Variants in HMCN1 observed in about 807,000 individuals in gnomAD.
HMCN1 encodes hemicentin-1.
Under a neutral mutation model 625.9 loss-of-function variants are expected in HMCN1, and 321 were observed. The observed-to-expected ratio is 0.51, with a 90% confidence interval of 0.47 to 0.56. HMCN1 has a LOEUF of 0.56. HMCN1 is among the 20% of genes least tolerant of loss of function. The pLI is 0.00. For synonymous variants in HMCN1, 2,425 were observed against 2,417.6 expected (o/e 1.00, Z -0.09); for missense variants, 6,588 against 6,887.3 (o/e 0.96, Z 1.54).
chr1:185,737,815 A>C (rs41357745), intron 1 of HMCN1, among the ~76,000 whole-genome samples: 52,986 of 152,080 alleles, frequency 0.35, 10,517 homozygotes, highest in African/African-American at 0.54. Context: ...ACCTTTAGAT[A>C]TTTGCAGATG....
intron 24 of HMCN1, among the ~76,000 whole-genome samples, chr1:185,996,781 T>C (rs995882544): frequency 3.3e-5 from 5 of 152,132 alleles, no homozygotes; most frequent in Admixed American, 3.3e-4. Context: ...CCCAAATTTC[T>C]TCATGAAATG....
At chr1:186,125,490 A>T in intron 81 of HMCN1, 114 bp from the exon 82 acceptor site, 2 of 772,076 alleles carry the variant, frequency 2.6e-6, no homozygotes, top group South Asian at 1.5e-5. Context: ...TTTCATTTTT[A>T]GTATTTCTAG....
chr1:186,118,201 T>G (rs1162319703), intron 77 of HMCN1, among the ~76,000 whole-genome samples: 3 of 152,126 alleles, frequency 2.0e-5, no homozygotes, highest in Admixed American at 2.0e-4. Context: ...TATAGGTGAT[T>G]CACGTTGGTG....
chr1:186,057,828 A>G (rs1457563738), intron 46 of HMCN1, among the ~76,000 whole-genome samples: 1 of 152,026 alleles, frequency 6.6e-6, no homozygotes, highest in Non-Finnish European at 1.5e-5. Context: ...CATTTCTAAA[A>G]TGGGTAGTTT....
At chr1:185,895,400 T>G (rs1345719815) in intron 4 of HMCN1, among the ~76,000 whole-genome samples, 1 of 152,238 alleles carries the variant, frequency 6.6e-6, no homozygotes, top group African/African-American at 2.4e-5. Context: ...CTTGGCGATA[T>G]TCTTTCCTAC....
intron 1 of HMCN1, among the ~76,000 whole-genome samples, chr1:185,836,157 C>G (rs546296844): frequency 6.6e-6 from 1 of 152,098 alleles, no homozygotes; most frequent in Non-Finnish European, 1.5e-5. Flanking sequence ...TATTTCTGTG[C>G]TCTTTTTCCA....
At chr1:185,758,491 C>G (rs1655278033) in intron 1 of HMCN1, among the ~76,000 whole-genome samples, 1 of 152,090 alleles carries the variant, frequency 6.6e-6, no homozygotes, top group Non-Finnish European at 1.5e-5. Context: ...CAAAAATTAG[C>G]TGGGCGTGGT....
intron 72 of HMCN1, among the ~76,000 whole-genome samples, chr1:186,113,756 G>A (rs1660996021): frequency 6.6e-6 from 1 of 151,946 alleles, no homozygotes; most frequent in African/African-American, 2.4e-5. Context: ...ACCATATTAG[G>A]GATTTAAAAT....
At chr1:186,022,437 A>G (rs1654783658) in intron 35 of HMCN1, among the ~76,000 whole-genome samples, 1 of 152,126 alleles carries the variant, frequency 6.6e-6, no homozygotes, top group African/African-American at 2.4e-5. Context: ...TGAGCTTACT[A>G]CCTAGGCTGG....
intron 24 of HMCN1, among the ~76,000 whole-genome samples, chr1:185,995,552 A>G (rs576759822): frequency 1.1e-3 from 172 of 152,270 alleles, no homozygotes; most frequent in African/African-American, 4.0e-3. Flanking sequence ...AGCTCTTGCC[A>G]GGCATCTGTC....
At chr1:185,940,366 TA>T (rs5779265) in intron 11 of HMCN1, among the ~76,000 whole-genome samples, 8,333 of 151,686 alleles carry the variant, frequency 0.055, 493 homozygotes, top group East Asian at 0.33. Context: ...TTTCACTTAT[TA>T]AAAAAAAACT....
At chr1:186,171,707 A>G (rs1024566852) in intron 101 of HMCN1, among the ~76,000 whole-genome samples, 2 of 152,118 alleles carry the variant, frequency 1.3e-5, no homozygotes, top group African/African-American at 4.8e-5. Flanking sequence ...AAATATATGT[A>G]TGTACATATA....
At chr1:185,897,056 C>T (rs542073497) in intron 4 of HMCN1, among the ~76,000 whole-genome samples, 18 of 152,264 alleles carry the variant, frequency 1.2e-4, no homozygotes, top group East Asian at 5.8e-4. Context: ...CCTTTTGCTT[C>T]TCAAGCTAGG....
intron 11 of HMCN1, among the ~76,000 whole-genome samples, chr1:185,955,741 T>A (rs1649574049): frequency 6.6e-6 from 1 of 152,184 alleles, no homozygotes; most frequent in South Asian, 2.1e-4. Context: ...GAACTTTTGA[T>A]GGCCACGGAA....
intron 1 of HMCN1, among the ~76,000 whole-genome samples, chr1:185,835,855 T>G (rs920818830): frequency 4.6e-5 from 7 of 151,946 alleles, no homozygotes; most frequent in African/African-American, 1.7e-4. Flanking sequence ...AGAACCAAAA[T>G]TGGGCTGTGG....
At chr1:185,916,936 T>TA (rs1666734947) in intron 6 of HMCN1, among the ~76,000 whole-genome samples, 1 of 152,046 alleles carries the variant, frequency 6.6e-6, no homozygotes, top group Admixed American at 6.5e-5. Context: ...ATTGAATAAA[T>TA]AAAAAGAAAT....
Position 186,182,178 on chromosome 1 carries a change from A to T in HMCN1, c.16305A>T (p.Glu5435Asp). 1 of 1,613,246 alleles carries T rather than the reference A, an allele frequency of 6.2e-7. No individual in the cohort carries two copies. Among genetic ancestry groups the T allele is most frequent in the Non-Finnish European group, 8.5e-7 (1 of 1,179,326 alleles). The change falls in exon 105 of 107, where the codon GAA becomes GAT. Residue 5435 changes from glutamate to aspartate, a missense_variant. Physicochemically the swap from Glu to Asp is conservative, Grantham distance 45. Coordinates refer to ENST00000271588, the MANE Select transcript of HMCN1 (RefSeq NM_031935.3). ...ASHDTCVDIDECENTDACQHE... is the reference protein window; with the variant it reads ...ASHDTCVDIDDCENTDACQHE... ...CTTCTTCCTGAACAGATATTGATGA[A>T]TGTGAAAATACAGATGCCTGCCAGC...
intron 1 of HMCN1, among the ~76,000 whole-genome samples, chr1:185,765,471 G>C (rs1270084404): frequency 6.6e-6 from 1 of 152,160 alleles, no homozygotes; most frequent in African/African-American, 2.4e-5. Flanking sequence ...TGCTTGCTAA[G>C]TACTGGGTAC....
chr1:185,925,033 G>GT lies in HMCN1; in HGVS notation c.1286-6dup, dbSNP rs1290488643. Reference sequence around the variant, plus strand: ...GCTTAAGTTTTTTGTTTTTGTTTTTGTTTTTTTTCCTAGATGCTCCCAAAG... The same window carrying GT: ...GCTTAAGTTTTTTGTTTTTGTTTTTGTTTTTTTTTCCTAGATGCTCCCAAAG... On this transcript the variant is annotated splice_polypyrimidine_tract_variant and intron_variant, in intron 8 of 106. Coordinates refer to ENST00000271588, the MANE Select transcript of HMCN1 (RefSeq NM_031935.3). 42 of 1,588,152 alleles carry GT rather than the reference G, an allele frequency of 2.6e-5. No individual in the cohort carries two copies. The highest frequency in any genetic ancestry group is 5.6e-5 in the South Asian group (5 of 88,662).
Sources: allele counts gnomAD v4.1 joint callset (sites outside exome capture counted in the v4.1 genomes callset), GRCh38; gene constraint gnomAD v4.1.1; transcripts MANE v1.5; gene names NCBI Gene and HGNC (gene_info 2026-07-23, HGNC 2026-07-21).